Variants in FGF14 observed in about 807,000 individuals in gnomAD.
FGF14 encodes the protein fibroblast growth factor 14, also known as fibroblast growth factor homologous factor 4.
In FGF14, 5 loss-of-function variants were observed where a neutral mutation model predicts 25.5. The ratio of observed to expected loss-of-function variants is 0.20; its 90% confidence interval spans 0.10 to 0.41. The LOEUF is 0.41. Ranked by LOEUF, FGF14 falls within the 10% of genes least tolerant of loss-of-function variation. FGF14 has a pLI of 1.00. For missense variants in FGF14, 222 were observed against 320.1 expected, an observed-to-expected ratio of 0.69 and a Z score of 2.34; for synonymous variants, 138 against 118.3, an observed-to-expected ratio of 1.17 and a Z score of -1.08.
At chr13:101,815,236 G>A (rs2041782722) in intron 3 of FGF14, among the ~76,000 whole-genome samples, 1 of 152,170 alleles carries the variant, frequency 6.6e-6, no homozygotes, top group African/African-American at 2.4e-5. Flanking sequence ...TGGTGTGGGA[G>A]GAGTGAAGTG....
At chr13:101,822,583 G>A (rs1566943059) in intron 3 of FGF14, among the ~76,000 whole-genome samples, 1 of 151,394 alleles carries the variant, frequency 6.6e-6, no homozygotes, top group East Asian at 1.9e-4. Flanking sequence ...TAACAGTATT[G>A]AGTCTTCCAA....
Position 101,722,660 on chromosome 13 carries a change from G to A in FGF14, c.*171C>T, listed in dbSNP as rs967987174. The A allele has an allele frequency of 6.1e-6, 5 of 814,494 alleles. No homozygotes were observed. Among genetic ancestry groups the A allele is most frequent in the Non-Finnish European group, 5.9e-6 (3 of 504,206 alleles). The allele number at this position is 814,494 out of a possible 1,614,324, so 50.5% of individuals were successfully genotyped here. On this transcript the variant is annotated 3_prime_UTR_variant, in exon 5 of 5. Coordinates refer to ENST00000376143, the MANE Select transcript of FGF14 (RefSeq NM_004115.4). ...TCCAGGTGTCTTCTTGTTGTGGGGG[G>A]TGCAACAGGTTGAGATTTATCCACT...
At chr13:101,916,287 G>C (rs1482155018) in intron 1 of FGF14, among the ~76,000 whole-genome samples, 166 bp downstream of exon 1, 1 of 152,230 alleles carries the variant, frequency 6.6e-6, no homozygotes, top group African/African-American at 2.4e-5. Flanking sequence ...CAGGTTGCCC[G>C]ACAGCGGACT....
chr13:102,013,760 A>G (rs1224142729), intron 1 of FGF14, among the ~76,000 whole-genome samples: 1 of 152,172 alleles, frequency 6.6e-6, no homozygotes, highest in Non-Finnish European at 1.5e-5. Flanking sequence ...ACTAGGCTTG[A>G]TCATATATGA....
At chr13:102,253,158 G>A (rs1287900069) in intron 1 of FGF14, among the ~76,000 whole-genome samples, 1 of 152,158 alleles carries the variant, frequency 6.6e-6, no homozygotes. Context: ...ACAGTAGAAT[G>A]ACTTATAATC....
Position 101,916,574 on chromosome 13 carries a change from C to G in FGF14, c.72G>C (p.Pro24=), listed in dbSNP as rs778352765. 1.2e-5 allele frequency: 19 copies of G among 1,609,684 alleles called. No homozygotes were observed. In the Admixed American group the frequency reaches 2.0e-4, roughly 17 times the overall value. Residue 24 remains proline, a synonymous_variant, in exon 1 of 5, where the codon CCG becomes CCC. Coordinates refer to ENST00000376143, the MANE Select transcript of FGF14 (RefSeq NM_004115.4). ...GGCTGCTCCGCCTCCTGCTGGCAGA[C>G]GGCCGGTCCCAGTGCTGCTCCCGCG... ...RQAREQHWDR[P]SASRRRSSPS... is the part of the protein sequence containing the mutation.
At chr13:102,064,133 G>A (rs1253718779) in intron 1 of FGF14, among the ~76,000 whole-genome samples, 1 of 152,086 alleles carries the variant, frequency 6.6e-6, no homozygotes, top group Admixed American at 6.6e-5. Context: ...ATGAATGATA[G>A]GTTTAGGAAA....
intron 1 of FGF14, among the ~76,000 whole-genome samples, chr13:102,229,268 C>A (rs1010729497): frequency 6.6e-6 from 1 of 152,158 alleles, no homozygotes; most frequent in Non-Finnish European, 1.5e-5. Context: ...ATGCAACCAA[C>A]AAGAGTATTA....
At chr13:102,387,028 A>G (rs995627490) in intron 1 of FGF14, among the ~76,000 whole-genome samples, 2 of 152,204 alleles carry the variant, frequency 1.3e-5, no homozygotes, top group Admixed American at 1.3e-4. Context: ...CCCTTCTTGT[A>G]TGAATCATGC....
At chr13:102,231,961 T>C (rs2051104534) in intron 1 of FGF14, among the ~76,000 whole-genome samples, 1 of 152,216 alleles carries the variant, frequency 6.6e-6, no homozygotes. Context: ...TGTTGCTGAT[T>C]GTGATAGAGA....
chr13:101,732,821 C>T (rs762772475), intron 3 of FGF14, among the ~76,000 whole-genome samples: 1 of 152,162 alleles, frequency 6.6e-6, no homozygotes, highest in Non-Finnish European at 1.5e-5. Context: ...AACTTAATTA[C>T]ACATACCTTT....
intron 1 of FGF14, among the ~76,000 whole-genome samples, chr13:102,314,030 C>T (rs1321293290): frequency 6.6e-6 from 1 of 152,164 alleles, no homozygotes; most frequent in African/African-American, 2.4e-5. Context: ...GATGTTCAGT[C>T]CACTTAAGAA....
intron 1 of FGF14, among the ~76,000 whole-genome samples, chr13:101,885,701 G>GAAAA (rs75565604): frequency 9.0e-5 from 11 of 122,768 alleles, no homozygotes; most frequent in African/African-American, 3.2e-4. Flanking sequence ...ACAGGCCTCT[G>GAAAA]AAAAAAAAAA....
At chr13:101,875,154 T>G (rs754992081) in intron 2 of FGF14, 32 bp downstream of exon 2, 15 of 1,403,886 alleles carry the variant, frequency 1.1e-5, no homozygotes, top group Non-Finnish European at 1.4e-5. Context: ...TTCTACCAAC[T>G]ATGTAACTGG....
chr13:102,055,427 A>G (rs1024241310), intron 1 of FGF14, among the ~76,000 whole-genome samples: 6 of 152,240 alleles, frequency 3.9e-5, no homozygotes, highest in African/African-American at 1.2e-4. Context: ...TTCTCCAAAC[A>G]TAAGTCAGTG....
rs528342627 is a variant in FGF14 at position 101,818,545 on chromosome 13, T to C, written c.408+50180A>G. Among the ~76,000 whole-genome samples the C allele has an allele frequency of 3.3e-5, 5 of 152,324 alleles. No homozygotes were observed. The East Asian group carries it at 7.7e-4, about 23-fold the overall frequency. ...CCAATGGGGATTACCTGCACAACCA[T>C]AACATAAATTAGAAATTCTTGTGGT... On this transcript the variant is annotated intron_variant, in intron 3 of 4. Coordinates refer to ENST00000376143, the MANE Select transcript of FGF14 (RefSeq NM_004115.4).
intron 1 of FGF14, among the ~76,000 whole-genome samples, chr13:102,275,134 G>C (rs1349522403): frequency 6.6e-6 from 1 of 151,864 alleles, no homozygotes; most frequent in African/African-American, 2.4e-5. Context: ...CATAGCAAAT[G>C]ACAGAGATTA....
At chr13:101,834,579 A>G (rs1396301076) in intron 3 of FGF14, among the ~76,000 whole-genome samples, 1 of 152,060 alleles carries the variant, frequency 6.6e-6, no homozygotes, top group Non-Finnish European at 1.5e-5. Flanking sequence ...TCATTCTAAA[A>G]CAGGATTTCA....
intron 1 of FGF14, among the ~76,000 whole-genome samples, chr13:102,351,348 G>A (rs117460703): frequency 0.012 from 1,844 of 151,094 alleles, 21 homozygotes; most frequent in Non-Finnish European, 0.019. Context: ...CTTTCCCCTC[G>A]AACATGTCTT....
Sources: gnomAD v4.1 joint callset for allele counts (sites outside exome capture counted in the v4.1 genomes callset) on GRCh38, gnomAD v4.1.1 for gene constraint, MANE v1.5 for transcripts, NCBI Gene and HGNC (gene_info 2026-07-23, HGNC 2026-07-21) for gene names.